Variants in BUB1B observed in about 807,000 individuals in gnomAD.
BUB1B encodes mitotic checkpoint serine/threonine-protein kinase BUB1 beta.
BUB1B carries 86 observed loss-of-function variants against 137.7 expected under a neutral mutation model. That is an observed-to-expected ratio of 0.62 (90% CI 0.52 to 0.75). The LOEUF (loss-of-function observed/expected upper bound fraction) is 0.75. BUB1B is among the 30% of genes least tolerant of loss of function. The probability of loss-of-function intolerance (pLI) is 0.00; values close to 1 mark genes in which losing one functional copy is unlikely to be tolerated. For synonymous variants in BUB1B, 420 were observed against 417.9 expected (o/e 1.00, Z -0.06); for missense variants, 1,130 against 1,236.9 (o/e 0.91, Z 1.30).
In BUB1B at chr15:40,170,064, C is replaced by T; in HGVS notation, c.182C>T (p.Ala61Val). 2 of 1,613,290 alleles carry T rather than the reference C, an allele frequency of 1.2e-6. No individual in the cohort carries two copies. The highest frequency in any genetic ancestry group is 1.1e-5 in the South Asian group (1 of 91,056). ...CNNTLQQQKR[A>V]FEYEIRFYTG... ...AACTTTTTCTGTTTACATTTCAGGGCATTTGAATATGAAATTCGATTTTAC... is the reference window on the plus strand; with the variant it reads ...AACTTTTTCTGTTTACATTTCAGGGTATTTGAATATGAAATTCGATTTTAC... The change falls in exon 3 of 23, where the codon GCA becomes GTA. Residue 61 changes from alanine to valine, a missense_variant and splice_region_variant. Ala to Val is a moderately conservative substitution (Grantham distance 64). Transcript: ENST00000287598.
At chr15:40,168,710 C>T (rs546710466) in intron 2 of BUB1B, among the ~76,000 whole-genome samples, 12 of 152,236 alleles carry the variant, frequency 7.9e-5, no homozygotes, top group African/African-American at 2.9e-4. Context: ...AAAGCATGTG[C>T]TTCTTACTTC....
At chr15:40,212,431 G>C in intron 18 of BUB1B, 68 bp from the exon 19 acceptor site, 1 of 1,197,032 alleles carries the variant, frequency 8.4e-7, no homozygotes, top group South Asian at 1.2e-5. Context: ...TGGAAGGAAT[G>C]TGTTTCAACC....
At chr15:40,174,057 C>A in intron 4 of BUB1B, 1 of 356,316 alleles carries the variant, frequency 2.8e-6, no homozygotes, top group South Asian at 2.3e-5. Context: ...ATTAATCTAA[C>A]CATATAGTCC....
intron 12 of BUB1B, among the ~76,000 whole-genome samples, chr15:40,201,722 G>A (rs2037571844): frequency 6.6e-6 from 1 of 151,876 alleles, no homozygotes; most frequent in East Asian, 1.9e-4. Flanking sequence ...GCTGGAGTGC[G>A]GTGGCGCGAT....
intron 2 of BUB1B, among the ~76,000 whole-genome samples, chr15:40,168,338 G>T (rs951308621): frequency 6.6e-6 from 1 of 151,838 alleles, no homozygotes; most frequent in Non-Finnish European, 1.5e-5. Context: ...TTGCACTCTA[G>T]CCTGGGTAGC....
At chr15:40,173,387 GT>G (rs2037188561) in intron 4 of BUB1B, among the ~76,000 whole-genome samples, 1 of 148,064 alleles carries the variant, frequency 6.8e-6, no homozygotes, top group Non-Finnish European at 1.5e-5. Context: ...AATTGGAGTT[GT>G]TAAAAGTAAC....
intron 14 of BUB1B, 35 bp downstream of exon 14, chr15:40,202,729 G>A: frequency 2.6e-6 from 4 of 1,540,282 alleles, no homozygotes; most frequent in South Asian, 1.1e-5. Context: ...ATGTAAATGG[G>A]CTAGTGGATT....
intron 4 of BUB1B, among the ~76,000 whole-genome samples, chr15:40,174,523 CAGAG>C: frequency 6.6e-6 from 1 of 152,092 alleles, no homozygotes; most frequent in South Asian, 2.1e-4. Flanking sequence ...GTAACTGTAA[CAGAG>C]AGAAAATTAC....
At chr15:40,210,328 T>C in intron 18 of BUB1B, 118 bp downstream of exon 18, 1 of 813,398 alleles carries the variant, frequency 1.2e-6, no homozygotes, top group Non-Finnish European at 2.0e-6. Context: ...TCCAAATATA[T>C]TAAGTATCCT....
rs141276285 is a variant in BUB1B at position 40,183,930 on chromosome 15, T to TA, written c.751+51dup. On this transcript the variant is annotated intron_variant, in intron 6 of 22. Transcript: ENST00000287598. Reference sequence around the variant, plus strand: ...TCGGAAAACTGTTAGTTTCTAGTGGTAAAATCATGTAAGAAGATAATACAT... The same window carrying TA: ...TCGGAAAACTGTTAGTTTCTAGTGGTAAAAATCATGTAAGAAGATAATACAT... 0.012 allele frequency: 18,774 copies of TA among 1,580,784 alleles called. 1,721 individuals are homozygous for TA. The African/African-American group carries it at 0.21, about 18-fold the overall frequency.
At chr15:40,205,581 T>C (rs1342114139) in intron 14 of BUB1B, among the ~76,000 whole-genome samples, 1 of 152,188 alleles carries the variant, frequency 6.6e-6, no homozygotes, top group Non-Finnish European at 1.5e-5. Context: ...TTTAAACTAG[T>C]AAAAAACAGA....
At chr15:40,188,070 C>T (rs1032382868) in intron 8 of BUB1B, among the ~76,000 whole-genome samples, 7 of 152,086 alleles carry the variant, frequency 4.6e-5, no homozygotes, top group African/African-American at 1.2e-4. Context: ...ATTTTTGAGA[C>T]GGAGTCTCAC....
intron 1 of BUB1B, among the ~76,000 whole-genome samples, chr15:40,164,662 CTT>C (rs1174963610): frequency 2.6e-4 from 33 of 127,526 alleles, no homozygotes; most frequent in Admixed American, 4.8e-4. Context: ...ATTCATTTTT[CTT>C]TTTTTTTTTT....
Position 40,185,587 on chromosome 15 carries a change from G to A in BUB1B, c.1003G>A (p.Ala335Thr), listed in dbSNP as rs145184714. ...GNTASLIAVP[A>T]VLPSFTPYVE... ...TACAGCTTCACTGATAGCTGTACCC[G>A]CTGTGCTTCCCAGTTTCACTCCATA... Residue 335 changes from alanine (A) to threonine (T), a missense_variant, in exon 8 of 23, where the codon GCT (alanine) becomes ACT (threonine). Physicochemically the swap from Ala to Thr is moderately conservative, Grantham distance 58. Coordinates refer to ENST00000287598, the MANE Select transcript of BUB1B (RefSeq NM_001211.6). 1.9e-6 allele frequency: 3 copies of A among 1,614,106 alleles called. No individual in the cohort carries two copies. The highest frequency in any genetic ancestry group is 2.2e-5 in the East Asian group (1 of 44,892).
At chr15:40,211,636 AC>A (rs1046831249) in intron 18 of BUB1B, among the ~76,000 whole-genome samples, 30 of 152,042 alleles carry the variant, frequency 2.0e-4, no homozygotes, top group Admixed American at 3.9e-4. Flanking sequence ...TGATATATAT[AC>A]TTTTTCCTGT....
Position 40,170,097 on chromosome 15 carries a change from A to G in BUB1B, c.215A>G (p.Asn72Ser). 6.2e-7 allele frequency: 1 copy of G among 1,614,000 alleles called. No homozygotes were observed. Among genetic ancestry groups the G allele is most frequent in the South Asian group, 1.1e-5 (1 of 91,076 alleles). Residue 72 changes from asparagine to serine, a missense_variant, in exon 3 of 23, where the codon AAT becomes AGT. Physicochemically the swap from Asn to Ser is conservative, Grantham distance 46. Transcript: ENST00000287598. Reference sequence around the variant, plus strand: ...TATGAAATTCGATTTTACACTGGAAATGACCCTCTGGATGTTTGGGATAGG... The same window carrying G: ...TATGAAATTCGATTTTACACTGGAAGTGACCCTCTGGATGTTTGGGATAGG... ...FEYEIRFYTGNDPLDVWDRYI... is the reference protein window; with the variant it reads ...FEYEIRFYTGSDPLDVWDRYI...
intron 8 of BUB1B, among the ~76,000 whole-genome samples, chr15:40,190,755 G>A (rs967459549): frequency 2.4e-4 from 36 of 152,162 alleles, no homozygotes; most frequent in African/African-American, 8.5e-4. Context: ...TGCAATGCTG[G>A]GACAGCTGAT....
intron 2 of BUB1B, among the ~76,000 whole-genome samples, 164 bp from the exon 3 acceptor site, chr15:40,169,898 C>G (rs1482356888): frequency 1.3e-5 from 2 of 152,154 alleles, no homozygotes; most frequent in Non-Finnish European, 2.9e-5. Context: ...CAGGCATCAG[C>G]CACCATGCCT....
At position 40,176,481 on chromosome 15, in the gene BUB1B, G is replaced by A. The variant is rs748721987; in HGVS notation, c.389G>A (p.Arg130His). The A allele has an allele frequency of 1.4e-5, 23 of 1,613,950 alleles. No homozygotes were observed. The highest frequency in any genetic ancestry group is 1.6e-4 in the Middle Eastern group (1 of 6,084). ...CTGTTAACACTTCTGTTACAGGGGC[G>A]TTTATGCAATGAGCCTTTGGATATG... is the stretch of plus-strand genomic sequence containing the variant. Reference protein sequence around the residue: ...RFLNLWLKLGRLCNEPLDMYS... With the variant: ...RFLNLWLKLGHLCNEPLDMYS... The change falls in exon 5 of 23, where the codon CGT (arginine) becomes CAT (histidine). Residue 130 changes from arginine (R) to histidine (H), a missense_variant. By Grantham distance (29) the Arg-to-His change is conservative. Transcript: ENST00000287598.
Sources: allele counts gnomAD v4.1 joint callset (sites outside exome capture counted in the v4.1 genomes callset), GRCh38; gene constraint gnomAD v4.1.1; transcripts MANE v1.5; gene names NCBI Gene and HGNC (gene_info 2026-07-23, HGNC 2026-07-21).